CPA6: variants seen among roughly 807,000 people sequenced by gnomAD.
CPA6 encodes carboxypeptidase A6.
CPA6 carries 58 observed loss-of-function variants against 63.3 expected under a neutral mutation model. The ratio of observed to expected loss-of-function variants is 0.92; its 90% CI spans 0.74 to 1.14. CPA6 has a LOEUF of 1.14. CPA6 is among the 50% of genes most tolerant of loss of function. The pLI, the probability that CPA6 is intolerant of heterozygous loss-of-function variation, is 0.00. For synonymous variants in CPA6, 185 were observed against 179.0 expected (o/e 1.03, Z -0.27); for missense variants, 565 against 526.6 (o/e 1.07, Z -0.71).
At chr8:67,452,606 A>G (rs1399610444) in intron 8 of CPA6, 4 of 152,220 alleles carry the variant, frequency 2.6e-5, no homozygotes, top group Admixed American at 6.5e-5. Context: ...TACATCATGA[A>G]CCAAAGGTTT....
intron 8 of CPA6, among the ~76,000 whole-genome samples, chr8:67,446,246 C>T (rs1810411842): frequency 6.8e-6 from 1 of 146,790 alleles, no homozygotes; most frequent in African/African-American, 2.5e-5. Flanking sequence ...GCCTGGGAGA[C>T]AGAGCGAGAC....
At chr8:67,698,370 T>C (rs181775678) in intron 1 of CPA6, among the ~76,000 whole-genome samples, 14 of 152,306 alleles carry the variant, frequency 9.2e-5, no homozygotes, top group African/African-American at 2.9e-4. Flanking sequence ...CTGGTGAAGG[T>C]GATTCTAGAC....
At chr8:67,550,288 A>C (rs567625551) in intron 2 of CPA6, among the ~76,000 whole-genome samples, 1 of 152,102 alleles carries the variant, frequency 6.6e-6, no homozygotes, top group Non-Finnish European at 1.5e-5. Flanking sequence ...AAGTGAGAAC[A>C]TGTGGTTTGG....
chr8:67,637,272 T>G (rs1381360010), intron 1 of CPA6, among the ~76,000 whole-genome samples: 1 of 151,716 alleles, frequency 6.6e-6, no homozygotes, highest in African/African-American at 2.4e-5. Flanking sequence ...AAATTGGCTT[T>G]TTGTAAACCA....
chr8:67,623,716 G>A (rs1815133565), intron 2 of CPA6, among the ~76,000 whole-genome samples: 4 of 152,238 alleles, frequency 2.6e-5, no homozygotes, highest in African/African-American at 7.2e-5. Context: ...CTACAGGCAT[G>A]AGCCACTGCA....
intron 1 of CPA6, among the ~76,000 whole-genome samples, chr8:67,706,879 G>A (rs1042996496): frequency 1.3e-5 from 2 of 152,168 alleles, no homozygotes; most frequent in African/African-American, 4.8e-5. Context: ...CAAATGTAAA[G>A]TTTGGTTTTC....
intron 1 of CPA6, among the ~76,000 whole-genome samples, chr8:67,699,966 T>C (rs998810147): frequency 6.6e-6 from 1 of 152,230 alleles, no homozygotes; most frequent in African/African-American, 2.4e-5. Flanking sequence ...AAATTCTGTA[T>C]GCATTTCCAC....
chr8:67,654,755 C>T (rs1815942388), intron 1 of CPA6, among the ~76,000 whole-genome samples: 1 of 152,076 alleles, frequency 6.6e-6, no homozygotes, highest in African/African-American at 2.4e-5. Context: ...CCAAGTGAGG[C>T]TGAAAATGTG....
At chr8:67,645,264 G>A (rs1332233737) in intron 1 of CPA6, among the ~76,000 whole-genome samples, 1 of 152,182 alleles carries the variant, frequency 6.6e-6, no homozygotes, top group Non-Finnish European at 1.5e-5. Flanking sequence ...ATCATGTTGA[G>A]AGGAATGGGA....
Position 67,582,789 on chromosome 8 carries a change from A to ATTT in CPA6, c.192+41384_192+41386dup, listed in dbSNP as rs1486577997. The stretch of plus-strand genomic sequence containing the variant: ...ATGTGGGAATAATGGCATATACTGC[A>ATTT]TTTTTATTAAGTGTCCTTTTGGTTA... On this transcript the variant is annotated intron_variant, in intron 2 of 10. Coordinates refer to ENST00000297770, the MANE Select transcript of CPA6 (RefSeq NM_020361.5). Among the ~76,000 whole-genome samples the ATTT allele has an allele frequency of 2.0e-5, 3 of 152,272 alleles. No individual in the cohort carries two copies. The East Asian group carries it at 5.8e-4, about 29-fold the overall frequency.
At chr8:67,553,508 C>T (rs1290165577) in intron 2 of CPA6, among the ~76,000 whole-genome samples, 1 of 152,134 alleles carries the variant, frequency 6.6e-6, no homozygotes, top group Non-Finnish European at 1.5e-5. Context: ...ATGGATTATA[C>T]CATAGCTATA....
At chr8:67,559,916 C>T (rs958043222) in intron 2 of CPA6, among the ~76,000 whole-genome samples, 5 of 151,286 alleles carry the variant, frequency 3.3e-5, no homozygotes, top group Admixed American at 2.0e-4. Flanking sequence ...ATAAGAGAGG[C>T]CCCAAGGAGC....
chr8:67,477,962 G>A (rs1197415829), intron 8 of CPA6, among the ~76,000 whole-genome samples: 1 of 152,142 alleles, frequency 6.6e-6, no homozygotes, highest in African/African-American at 2.4e-5. Context: ...AGACTCTCTG[G>A]AGTGATAAGT....
chr8:67,425,691 G>T (rs1186169149), intron 10 of CPA6, among the ~76,000 whole-genome samples: 1 of 152,118 alleles, frequency 6.6e-6, no homozygotes, highest in African/African-American at 2.4e-5. Context: ...GAATAATTAT[G>T]TAAAGATGAC....
rs1809782729 is a variant in CPA6 at position 67,422,393 on chromosome 8, T to C, written c.*111A>G. 1.1e-6 allele frequency: 1 copy of C among 901,454 alleles called. No individual in the cohort carries two copies. Among genetic ancestry groups the C allele is most frequent in the East Asian group, 2.4e-5 (1 of 41,322 alleles). The allele number at this position is 901,454 out of a possible 1,614,324, so 55.8% of individuals were successfully genotyped here. A position where few individuals can be genotyped will look rare whatever the true frequency, so the allele number is the denominator to read the frequency against. On this transcript the variant is annotated 3_prime_UTR_variant, in exon 11 of 11. Transcript: ENST00000297770. ...TTGCGTGGGGTCTTTTTAAAGTCCA[T>C]AGACATGTTCACTCTAAGCAGCTGC...
chr8:67,627,182 C>T (rs373554546), intron 1 of CPA6, among the ~76,000 whole-genome samples: 36 of 152,240 alleles, frequency 2.4e-4, no homozygotes, highest in South Asian at 2.3e-3. Flanking sequence ...GATGGAATGA[C>T]GGGTAACCAA....
chr8:67,487,447 T>C (rs1818048671), intron 6 of CPA6, among the ~76,000 whole-genome samples: 1 of 152,230 alleles, frequency 6.6e-6, no homozygotes, highest in Admixed American at 6.5e-5. Context: ...TAATCCAGTA[T>C]ATCATTGATG....
At chr8:67,444,376 A>G (rs1810366625) in intron 8 of CPA6, among the ~76,000 whole-genome samples, 1 of 152,180 alleles carries the variant, frequency 6.6e-6, no homozygotes, top group South Asian at 2.1e-4. Flanking sequence ...TTCATTTTGG[A>G]CATGTTAAGT....
intron 1 of CPA6, among the ~76,000 whole-genome samples, chr8:67,724,758 G>A (rs1439723158): frequency 6.6e-6 from 1 of 152,294 alleles, no homozygotes; most frequent in Non-Finnish European, 1.5e-5. Flanking sequence ...AGCAACGGGA[G>A]CAATCATGTA....
Sources: allele counts gnomAD v4.1 joint callset (sites outside exome capture counted in the v4.1 genomes callset), GRCh38; gene constraint gnomAD v4.1.1; transcripts MANE v1.5; gene names NCBI Gene and HGNC (gene_info 2026-07-23, HGNC 2026-07-21).